The following PEX5L variants were observed in gnomAD, a reference collection of about 807,000 sequenced individuals.
PEX5L encodes peroxisomal biogenesis factor 5 like, also known as PEX5-related protein.
A neutral mutation model predicts 84.0 loss-of-function variants in PEX5L; 30 were observed. The ratio of observed to expected loss-of-function variants is 0.36; its 90% confidence interval spans 0.27 to 0.48. The LOEUF (loss-of-function observed/expected upper bound fraction) is 0.48, where lower values mean the gene tolerates loss of function less well. Among genes scored for constraint, PEX5L ranks in the 20% least tolerant of loss-of-function variants. PEX5L has a pLI of 0.99. For synonymous variants in PEX5L, 270 were observed against 283.1 expected (o/e 0.95, Z 0.46); for missense variants, 533 against 754.6 (o/e 0.71, Z 3.44).
rs567222461 is a variant in PEX5L, at chr3:179,836,242, G to T, written c.823-16266C>A. ...CTACTTCACAGGATAGTCAGGAGGA[G>T]CACATTTTATAACACTTATAAAATA... is the stretch of plus-strand genomic sequence containing the variant. On this transcript the variant is annotated intron_variant, in intron 8 of 14. Transcript: ENST00000467460. Among the ~76,000 whole-genome samples, 5 of 152,236 alleles carry T rather than the reference G, an allele frequency of 3.3e-5. No homozygotes were observed. The South Asian group carries it at 8.3e-4, about 25-fold the overall frequency.
In PEX5L at chr3:179,819,923, C is replaced by A. The variant is rs754368115; in HGVS notation, c.876G>T (p.Arg292=). The A allele has an allele frequency of 6.2e-7, 1 of 1,613,914 alleles. No homozygotes were observed. The highest frequency in any genetic ancestry group is 1.3e-5 in the African/African-American group (1 of 74,882). ...KMQAEWEEMA[R]RNWISENQEA... is the part of the protein sequence containing the mutation. ...CTTGGTTCTCAGATATCCAGTTCCT[C>A]CGAGCCATTTCTTCCCATTCTGCTT... Residue 292 remains arginine (R), a synonymous_variant, in exon 9 of 15, where the codon CGG becomes CGT. Transcript: ENST00000467460.
intron 9 of PEX5L, among the ~76,000 whole-genome samples, chr3:179,818,782 A>C (rs1347745936): frequency 6.6e-6 from 1 of 151,948 alleles, no homozygotes; most frequent in African/African-American, 2.4e-5. Context: ...AAATGACAGG[A>C]TGCCATTCTT....
chr3:179,869,820 T>G (rs1006867477), intron 7 of PEX5L, among the ~76,000 whole-genome samples: 2 of 152,348 alleles, frequency 1.3e-5, no homozygotes, highest in East Asian at 1.9e-4. Flanking sequence ...GGATTGAGAA[T>G]GAAATACGGA....
At chr3:179,989,008 G>A (rs547868533) in intron 1 of PEX5L, among the ~76,000 whole-genome samples, 1 of 152,306 alleles carries the variant, frequency 6.6e-6, no homozygotes, top group African/African-American at 2.4e-5. Context: ...AAGAATGGGG[G>A]ATGGACTTGG....
intron 7 of PEX5L, among the ~76,000 whole-genome samples, chr3:179,860,820 C>T (rs544234549): frequency 6.6e-6 from 1 of 152,186 alleles, no homozygotes; most frequent in African/African-American, 2.4e-5. Context: ...GAGCTTAATT[C>T]GCTTGCCCAA....
chr3:180,002,791 C>A (rs1312272505), intron 1 of PEX5L, among the ~76,000 whole-genome samples: 4 of 152,036 alleles, frequency 2.6e-5, no homozygotes, highest in South Asian at 4.1e-4. Flanking sequence ...TAGTATTTCA[C>A]AAGAGAAGAC....
intron 2 of PEX5L, among the ~76,000 whole-genome samples, chr3:179,944,153 A>G (rs906839033): frequency 1.3e-5 from 2 of 152,200 alleles, no homozygotes; most frequent in Non-Finnish European, 2.9e-5. Context: ...AATTTTAGGG[A>G]ATGGAGGGAA....
chr3:179,951,468 A>G (rs1421396959), intron 2 of PEX5L, among the ~76,000 whole-genome samples: 1 of 152,192 alleles, frequency 6.6e-6, no homozygotes, highest in Non-Finnish European at 1.5e-5. Context: ...ACTCCTTAAA[A>G]AAAAAGAAAA....
At chr3:179,972,850 T>C (rs1462382614) in intron 1 of PEX5L, among the ~76,000 whole-genome samples, 1 of 152,110 alleles carries the variant, frequency 6.6e-6, no homozygotes, top group Non-Finnish European at 1.5e-5. Flanking sequence ...GATTTCTGCA[T>C]CTTCCAAGTA....
At chr3:180,030,448 G>A (rs1791349800) in intron 1 of PEX5L, among the ~76,000 whole-genome samples, 2 of 152,128 alleles carry the variant, frequency 1.3e-5, no homozygotes, top group Admixed American at 1.3e-4. Flanking sequence ...AACCCTCAAG[G>A]CTGTATAGAA....
intron 7 of PEX5L, among the ~76,000 whole-genome samples, chr3:179,861,321 G>A (rs1248259648): frequency 6.6e-6 from 1 of 152,242 alleles, no homozygotes; most frequent in Non-Finnish European, 1.5e-5. Flanking sequence ...AGGAGGCTAA[G>A]GAGGAAGTTA....
rs556694194 is a variant in PEX5L, at chr3:179,935,777, T to C, written c.93+35817A>G. 2.0e-5 allele frequency among the ~76,000 whole-genome samples: 3 copies of C among 152,286 alleles called. No homozygotes were observed. The East Asian group carries it at 5.8e-4, about 29-fold the overall frequency. On this transcript the variant is annotated intron_variant, in intron 2 of 14. Transcript: ENST00000467460. ...AGCCTGATGGGAGGCATCTGGACCA[T>C]GGGGCCTCCACCATCATGGGGAGCT...
intron 1 of PEX5L, among the ~76,000 whole-genome samples, chr3:180,014,986 G>A (rs367896443): frequency 3.3e-5 from 5 of 152,262 alleles, no homozygotes; most frequent in South Asian, 2.1e-4. Context: ...CTGACATAGA[G>A]CATAAACATG....
intron 3 of PEX5L, among the ~76,000 whole-genome samples, chr3:179,895,101 T>C (rs988120017): frequency 6.6e-5 from 10 of 152,100 alleles, no homozygotes; most frequent in African/African-American, 2.4e-4. Flanking sequence ...GATTTAAAAA[T>C]TTTTAGTGGC....
intron 5 of PEX5L, among the ~76,000 whole-genome samples, chr3:179,878,026 G>A (rs575137843): frequency 1.7e-4 from 26 of 152,210 alleles, no homozygotes; most frequent in African/African-American, 6.0e-4. Context: ...ACAGGCTTCT[G>A]ACTTACAAAT....
At chr3:179,906,363 TG>T (rs374883266) in intron 2 of PEX5L, among the ~76,000 whole-genome samples, 7 of 152,236 alleles carry the variant, frequency 4.6e-5, no homozygotes, top group African/African-American at 1.7e-4. Context: ...CTCTGATGAA[TG>T]TGGTTCTAAG....
At chr3:179,928,386 C>G (rs757239674) in intron 2 of PEX5L, among the ~76,000 whole-genome samples, 2 of 152,110 alleles carry the variant, frequency 1.3e-5, no homozygotes, top group Non-Finnish European at 2.9e-5. Context: ...TGGAGGAGGT[C>G]CCAGGAGACA....
intron 7 of PEX5L, among the ~76,000 whole-genome samples, chr3:179,863,819 A>G (rs1747132873): frequency 6.6e-6 from 1 of 152,150 alleles, no homozygotes; most frequent in African/African-American, 2.4e-5. Context: ...CAGCAATTCC[A>G]CTACTGGGTA....
At chr3:179,857,327 C>G (rs1179144437) in intron 8 of PEX5L, among the ~76,000 whole-genome samples, 1 of 152,206 alleles carries the variant, frequency 6.6e-6, no homozygotes, top group East Asian at 1.9e-4. Context: ...CCAAGCAAAA[C>G]TGCAAGTTGC....
Sources: gnomAD v4.1 joint callset for allele counts (sites outside exome capture counted in the v4.1 genomes callset) on GRCh38, gnomAD v4.1.1 for gene constraint, MANE v1.5 for transcripts, NCBI Gene and HGNC (gene_info 2026-07-23, HGNC 2026-07-21) for gene names.